The following KLF12 variants were observed in gnomAD, a reference collection of about 807,000 sequenced individuals.
KLF12 encodes Krueppel-like factor 12.
A neutral mutation model predicts 37.8 loss-of-function variants in KLF12; 9 were observed. That is an observed-to-expected ratio of 0.24 (90% CI 0.14 to 0.42). The LOEUF (loss-of-function observed/expected upper bound fraction) is 0.42, where lower values mean the gene tolerates loss of function less well. KLF12 is among the 10% of genes least tolerant of loss of function. The probability of loss-of-function intolerance (pLI) is 1.00; values close to 1 mark genes in which losing one functional copy is unlikely to be tolerated. For synonymous variants in KLF12, 208 were observed against 202.1 expected, an observed-to-expected ratio of 1.03 and a Z score of -0.25; for missense variants, 411 against 516.0, an observed-to-expected ratio of 0.80 and a Z score of 1.97.
intron 3 of KLF12, among the ~76,000 whole-genome samples, chr13:73,871,948 TA>T (rs1220266632): frequency 6.6e-6 from 1 of 152,214 alleles, no homozygotes; most frequent in Non-Finnish European, 1.5e-5. Flanking sequence ...CTATATTTTT[TA>T]TTGGTCCACT....
intron 5 of KLF12, among the ~76,000 whole-genome samples, chr13:73,805,947 G>A (rs950530702): frequency 1.3e-5 from 2 of 151,834 alleles, no homozygotes; most frequent in Non-Finnish European, 2.9e-5. Context: ...CGGGATTACA[G>A]GTGCCCACCA....
chr13:73,878,980 G>C (rs1024057163), intron 3 of KLF12, among the ~76,000 whole-genome samples: 1 of 152,166 alleles, frequency 6.6e-6, no homozygotes, highest in Non-Finnish European at 1.5e-5. Context: ...GAAAGTTTTT[G>C]AATAGAGGGC....
chr13:73,755,708 G>A (rs544271563), intron 6 of KLF12, among the ~76,000 whole-genome samples: 3 of 151,286 alleles, frequency 2.0e-5, no homozygotes, highest in Non-Finnish European at 4.4e-5. Context: ...TGAGATTTTG[G>A]TGCACCCATC....
At chr13:73,700,190 C>A (rs951158079) in intron 7 of KLF12, among the ~76,000 whole-genome samples, 1 of 151,680 alleles carries the variant, frequency 6.6e-6, no homozygotes, top group Non-Finnish European at 1.5e-5. Flanking sequence ...TCACTTGAAC[C>A]CAGGAGGTGG....
In KLF12 at chr13:73,833,532, T is replaced by C. The variant is rs2138597319; in HGVS notation, c.670+12295A>G. ...ATTCTGCACTTAAGAGTGTTTATTG[T>C]GTGCCAGATGTTGGATAAGGCAGTA... On this transcript the variant is annotated intron_variant, in intron 4 of 7. Coordinates refer to ENST00000377669, the MANE Select transcript of KLF12 (RefSeq NM_007249.5). 2.0e-5 allele frequency among the ~76,000 whole-genome samples: 3 copies of C among 152,292 alleles called. 1 individual carries two copies. In the South Asian group the frequency reaches 6.2e-4, roughly 32 times the overall value.
At chr13:73,941,609 C>T (rs1236899475) in intron 3 of KLF12, among the ~76,000 whole-genome samples, 2 of 152,146 alleles carry the variant, frequency 1.3e-5, no homozygotes, top group Non-Finnish European at 2.9e-5. Context: ...CCCAACGCAT[C>T]TTCTCAATGA....
intron 6 of KLF12, among the ~76,000 whole-genome samples, chr13:73,733,409 G>A (rs754470298): frequency 4.6e-5 from 7 of 151,986 alleles, no homozygotes; most frequent in South Asian, 2.1e-4. Context: ...TACAATATTC[G>A]TCTTTTTATG....
chr13:74,271,281 C>T, the KLF12 span, among the ~76,000 whole-genome samples: 1 of 152,170 alleles, frequency 6.6e-6, no homozygotes, highest in East Asian at 1.9e-4. Context: ...ATTAGAATAA[C>T]TTTCTGTTGT....
chr13:74,094,257 G>C (rs1161746972), intron 1 of KLF12, among the ~76,000 whole-genome samples: 1 of 152,132 alleles, frequency 6.6e-6, no homozygotes, highest in Non-Finnish European at 1.5e-5. Flanking sequence ...AGAAAGCAAA[G>C]AACGATGGTT....
chr13:73,795,220 T>C (rs1179955737), intron 5 of KLF12, among the ~76,000 whole-genome samples: 1 of 152,240 alleles, frequency 6.6e-6, no homozygotes, highest in Non-Finnish European at 1.5e-5. Flanking sequence ...ATTTTTGGCA[T>C]GTATTGAATG....
intron 3 of KLF12, among the ~76,000 whole-genome samples, chr13:73,876,347 T>C (rs1886703788): frequency 1.3e-5 from 2 of 152,128 alleles, no homozygotes; most frequent in African/African-American, 2.4e-5. Flanking sequence ...AATGTGGCAA[T>C]CTCTCAGACC....
intron 1 of KLF12, among the ~76,000 whole-genome samples, chr13:74,124,167 C>G (rs1459496552): frequency 6.6e-6 from 1 of 152,168 alleles, no homozygotes. Context: ...TGCTTTTAAT[C>G]GACTCATTGA....
chr13:74,093,243 G>A (rs956542848), intron 1 of KLF12, among the ~76,000 whole-genome samples: 23 of 152,128 alleles, frequency 1.5e-4, no homozygotes, highest in Admixed American at 7.2e-4. Flanking sequence ...TACAGCGGGC[G>A]GATAACTGGA....
intron 3 of KLF12, among the ~76,000 whole-genome samples, chr13:73,935,929 C>A (rs1889905792): frequency 6.6e-6 from 1 of 152,136 alleles, no homozygotes. Context: ...TACAGCAATG[C>A]AAAAACAGAC....
At chr13:74,053,314 T>TC (rs2138607937) in intron 1 of KLF12, among the ~76,000 whole-genome samples, 1 of 152,310 alleles carries the variant, frequency 6.6e-6, no homozygotes. Context: ...GAGAGAGATC[T>TC]CTCACCTTTC....
At chr13:74,150,054 T>A in the KLF12 span, among the ~76,000 whole-genome samples, 1 of 152,232 alleles carries the variant, frequency 6.6e-6, no homozygotes, top group African/African-American at 2.4e-5. Context: ...TACATTAACA[T>A]GAGCAATAAA....
chr13:74,186,782 A>T, the KLF12 span, among the ~76,000 whole-genome samples: 1 of 152,206 alleles, frequency 6.6e-6, no homozygotes, highest in Non-Finnish European at 1.5e-5. Context: ...TTTTGTTTAT[A>T]CAATTAACTG....
chr13:74,166,615 T>C, the KLF12 span, among the ~76,000 whole-genome samples: 1 of 152,302 alleles, frequency 6.6e-6, no homozygotes, highest in South Asian at 2.1e-4. Context: ...ATGTCATTTT[T>C]TATATTTTCC....
rs534162675 is a variant in KLF12, at chr13:74,128,451, G to A, written c.-32+5288C>T. Reference sequence around the variant, plus strand: ...TTTGTAGTTTTACAAAGTGACTTTTGGCCACATTACCCCATTTAACCCTCA... The same window carrying A: ...TTTGTAGTTTTACAAAGTGACTTTTAGCCACATTACCCCATTTAACCCTCA... On this transcript the variant is annotated intron_variant, in intron 1 of 7. Transcript: ENST00000377669. Among the ~76,000 whole-genome samples the A allele has an allele frequency of 3.0e-4, 46 of 152,136 alleles. No individual in the cohort carries two copies. The South Asian group carries it at 6.9e-3, about 23-fold the overall frequency.
Sources: allele counts gnomAD v4.1 joint callset (sites outside exome capture counted in the v4.1 genomes callset), GRCh38; gene constraint gnomAD v4.1.1; transcripts MANE v1.5; gene names NCBI Gene and HGNC (gene_info 2026-07-23, HGNC 2026-07-21).